The following TLN2 variants were observed in gnomAD, a reference collection of about 807,000 sequenced individuals.
TLN2 encodes talin 2.
Under a neutral mutation model 294.7 loss-of-function variants are expected in TLN2, and 118 were observed. That is an observed-to-expected ratio of 0.40 (90% confidence interval 0.34 to 0.47). The LOEUF (loss-of-function observed/expected upper bound fraction) is 0.47, where lower values mean the gene tolerates loss of function less well. Ranked by LOEUF, TLN2 falls within the 20% of genes least tolerant of loss-of-function variation. TLN2 has a pLI of 0.84. For synonymous variants in TLN2, 1,431 were observed against 1,304.5 expected, an observed-to-expected ratio of 1.10 and a Z score of -2.09; for missense variants, 3,083 against 3,282.2, an observed-to-expected ratio of 0.94 and a Z score of 1.48.
At chr15:62,495,351 C>T (rs1032752927) in intron 1 of TLN2, among the ~76,000 whole-genome samples, 6 of 152,138 alleles carry the variant, frequency 3.9e-5, no homozygotes, top group African/African-American at 1.4e-4. Flanking sequence ...TCTTTCTCCC[C>T]AGAGAGAATG....
At chr15:62,413,479 A>G (rs552105273) in intron 1 of TLN2, among the ~76,000 whole-genome samples, 1 of 152,306 alleles carries the variant, frequency 6.6e-6, no homozygotes, top group African/African-American at 2.4e-5. Context: ...AAGCCAGTAA[A>G]TATCCCTATT....
At chr15:62,636,766 G>A (rs911263168) in intron 3 of TLN2, among the ~76,000 whole-genome samples, 1 of 152,130 alleles carries the variant, frequency 6.6e-6, no homozygotes, top group Non-Finnish European at 1.5e-5. Context: ...ATGGTCACTC[G>A]GCAACCCAAA....
At chr15:62,827,698 A>G (rs1330064841) in intron 54 of TLN2, 1 of 152,230 alleles carries the variant, frequency 6.6e-6, no homozygotes, top group African/African-American at 2.4e-5. Context: ...TTTTATTGGA[A>G]TTATGGATAC....
intron 42 of TLN2, among the ~76,000 whole-genome samples, chr15:62,774,383 T>C (rs1389062205): frequency 1.3e-5 from 2 of 152,126 alleles, no homozygotes; most frequent in Non-Finnish European, 2.9e-5. Context: ...CACCTCATTG[T>C]TGGGCCCACC....
chr15:62,612,878 A>G (rs1391041729), intron 2 of TLN2, among the ~76,000 whole-genome samples: 1 of 152,248 alleles, frequency 6.6e-6, no homozygotes, highest in Non-Finnish European at 1.5e-5. Context: ...TTTATGAAAT[A>G]ATCTCTTTCT....
chr15:62,523,235 A>G (rs1374445438), intron 1 of TLN2, among the ~76,000 whole-genome samples: 5 of 152,236 alleles, frequency 3.3e-5, no homozygotes, highest in South Asian at 2.1e-4. Context: ...AAACTGGGCA[A>G]TTAAGTTGGG....
At chr15:62,482,796 C>T (rs960798017) in intron 1 of TLN2, among the ~76,000 whole-genome samples, 3 of 152,074 alleles carry the variant, frequency 2.0e-5, no homozygotes, top group Non-Finnish European at 4.4e-5. Context: ...CCTGCAGACC[C>T]AGCGGTGGCC....
chr15:62,551,791 A>G (rs532622902), intron 1 of TLN2, among the ~76,000 whole-genome samples: 1 of 152,362 alleles, frequency 6.6e-6, no homozygotes, highest in South Asian at 2.1e-4. Context: ...TGACTCAAAA[A>G]GTCACACTTT....
chr15:62,800,608 C>T (rs1309831310), intron 49 of TLN2, 45 bp from the exon 50 acceptor site: 3 of 1,611,360 alleles, frequency 1.9e-6, no homozygotes, highest in East Asian at 4.5e-5. Context: ...AGGGGCTGGA[C>T]CTGAGTCACT....
At chr15:62,669,264 T>C (rs536888671) in intron 9 of TLN2, among the ~76,000 whole-genome samples, 4 of 152,328 alleles carry the variant, frequency 2.6e-5, no homozygotes, top group South Asian at 4.1e-4. Context: ...GCTATGTCAG[T>C]GTATCATATA....
intron 9 of TLN2, among the ~76,000 whole-genome samples, chr15:62,660,692 G>C (rs2053716248): frequency 6.6e-6 from 1 of 152,216 alleles, no homozygotes; most frequent in South Asian, 2.1e-4. Flanking sequence ...TGGGGTTCAT[G>C]TGAAATTTTG....
chr15:62,612,117 G>A (rs1323871030), intron 2 of TLN2, among the ~76,000 whole-genome samples: 1 of 152,042 alleles, frequency 6.6e-6, no homozygotes, highest in Admixed American at 6.6e-5. Context: ...GCCCACCTCA[G>A]CTTAGTTCAG....
At chr15:62,671,639 G>A (rs147664726) in intron 9 of TLN2, among the ~76,000 whole-genome samples, 61 of 152,300 alleles carry the variant, frequency 4.0e-4, no homozygotes, top group African/African-American at 1.3e-3. Context: ...ATTGACCTGT[G>A]TATCTGTTCT....
chr15:62,411,935 GA>G (rs1414970623), intron 1 of TLN2, among the ~76,000 whole-genome samples: 1 of 152,218 alleles, frequency 6.6e-6, no homozygotes, highest in Non-Finnish European at 1.5e-5. Context: ...GGGTTTCCCA[GA>G]CTTCTCTGAT....
At chr15:62,448,161 A>T (rs1394732316) in intron 1 of TLN2, among the ~76,000 whole-genome samples, 3 of 152,310 alleles carry the variant, frequency 2.0e-5, no homozygotes, top group Middle Eastern at 3.4e-3. Flanking sequence ...GTGCCTCCTT[A>T]CATTAGATTT....
intron 2 of TLN2, among the ~76,000 whole-genome samples, chr15:62,604,076 T>G (rs2140792567): frequency 6.6e-6 from 1 of 152,306 alleles, no homozygotes; most frequent in South Asian, 2.1e-4. Flanking sequence ...TTTCTATGTA[T>G]CATGAAATAT....
intron 9 of TLN2, among the ~76,000 whole-genome samples, chr15:62,658,913 G>A (rs909230078): frequency 6.6e-6 from 1 of 152,192 alleles, no homozygotes; most frequent in African/African-American, 2.4e-5. Context: ...AAGAGCTAGA[G>A]GGGCCTTGGA....
intron 1 of TLN2, among the ~76,000 whole-genome samples, chr15:62,391,871 C>T (rs904500983): frequency 6.6e-6 from 1 of 151,906 alleles, no homozygotes; most frequent in African/African-American, 2.4e-5. Flanking sequence ...TACCGCTGCC[C>T]GGGTGCTCAG....
intron 9 of TLN2, among the ~76,000 whole-genome samples, chr15:62,670,862 AC>A (rs1310449510): frequency 2.6e-5 from 4 of 152,150 alleles, no homozygotes; most frequent in South Asian, 2.1e-4. Flanking sequence ...GAACTACCAA[AC>A]TTTTTTACAG....
Sources: gnomAD v4.1 joint callset for allele counts (sites outside exome capture counted in the v4.1 genomes callset) on GRCh38, gnomAD v4.1.1 for gene constraint, MANE v1.5 for transcripts, NCBI Gene and HGNC (gene_info 2026-07-23, HGNC 2026-07-21) for gene names.